The following GLRX3 variants were observed in gnomAD, a reference collection of about 807,000 sequenced individuals.
The protein encoded by GLRX3 is glutaredoxin-3.
Under a neutral mutation model 49.5 loss-of-function variants are expected in GLRX3, and 22 were observed. That is an observed-to-expected ratio of 0.44 (90% CI 0.32 to 0.63). The LOEUF (loss-of-function observed/expected upper bound fraction) is 0.63. GLRX3 is among the 30% of genes least tolerant of loss of function. The pLI is 0.05. For synonymous variants in GLRX3, 133 were observed against 140.0 expected, an observed-to-expected ratio of 0.95 and a Z score of 0.35; for missense variants, 385 against 396.3, an observed-to-expected ratio of 0.97 and a Z score of 0.24.
In GLRX3 at chr10:130,171,535, G is replaced by T. The variant is rs560391673; in HGVS notation, c.772-49G>T. On this transcript the variant is annotated intron_variant, in intron 7 of 10. Coordinates refer to ENST00000331244, the MANE Select transcript of GLRX3 (RefSeq NM_006541.5). The stretch of plus-strand genomic sequence containing the variant: ...CAAGAGTATTAGGTACAACCATGCT[G>T]CTTGGGTCATACAAAAATTGTAATC... The T allele has an allele frequency of 4.7e-5, 46 of 973,992 alleles. No individual in the cohort carries two copies. In the South Asian group the frequency reaches 5.7e-4, roughly 12 times the overall value. The allele number at this position is 973,992 out of a possible 1,614,324, so 60.3% of individuals were successfully genotyped here.
intron 10 of GLRX3, among the ~76,000 whole-genome samples, chr10:130,178,735 C>T (rs970137105): frequency 9.2e-5 from 14 of 152,170 alleles, no homozygotes; most frequent in Non-Finnish European, 1.8e-4. Flanking sequence ...GATGGAGTCT[C>T]GCTCTAGCCC....
At chr10:130,141,274 A>G (rs1590055738) in intron 1 of GLRX3, among the ~76,000 whole-genome samples, 2 of 152,268 alleles carry the variant, frequency 1.3e-5, no homozygotes, top group Admixed American at 6.5e-5. Context: ...CAGACTGGGC[A>G]TTAGAGTAAG....
chr10:130,136,867 C>T (rs983653191), intron 1 of GLRX3, among the ~76,000 whole-genome samples: 3 of 152,040 alleles, frequency 2.0e-5, no homozygotes, highest in African/African-American at 4.8e-5. Flanking sequence ...TCAGCCGTGC[C>T]GCAGTGGCGG....
At chr10:130,137,803 C>T (rs1298827110) in intron 1 of GLRX3, among the ~76,000 whole-genome samples, 2 of 152,142 alleles carry the variant, frequency 1.3e-5, no homozygotes, top group Admixed American at 6.5e-5. Flanking sequence ...GGAGCGATCA[C>T]GGCTCCCTGC....
rs763783848 is a variant in GLRX3, at chr10:130,166,627, A to G, written c.599A>G (p.Tyr200Cys). ...AAAGCCTATTCCAGTTGGCCTACCT[A>G]TCCTCAGCTCTATGTTTCTGGAGAG... ...GLKAYSSWPTYPQLYVSGELI... is the reference protein window; with the variant it reads ...GLKAYSSWPTCPQLYVSGELI... Residue 200 changes from tyrosine (Y) to cysteine (C), a missense_variant, in exon 5 of 11, where the codon TAT (tyrosine) becomes TGT (cysteine). Around this residue, in one of 2 missense-constraint regions of GLRX3, gnomAD observed 374 missense variants for 358.6 expected, o/e 1.04. Coordinates refer to ENST00000331244, the MANE Select transcript of GLRX3 (RefSeq NM_006541.5). 1.2e-6 allele frequency: 2 copies of G among 1,611,684 alleles called. No homozygotes were observed. The highest frequency in any genetic ancestry group is 1.1e-5 in the South Asian group (1 of 91,042).
chr10:130,177,305 A>G (rs959892511), intron 10 of GLRX3, among the ~76,000 whole-genome samples: 4 of 152,182 alleles, frequency 2.6e-5, no homozygotes, highest in Admixed American at 6.5e-5. Flanking sequence ...TAAACGGTTC[A>G]CTACTGCTGT....
chr10:130,160,112 GC>G (rs1361445092), intron 3 of GLRX3, 43 bp downstream of exon 3: 1 of 1,147,108 alleles, frequency 8.7e-7, no homozygotes, highest in Non-Finnish European at 1.3e-6. Flanking sequence ...TTTGTAGGGT[GC>G]CATGGGGCTA....
At chr10:130,177,018 G>A (rs1026907989) in intron 10 of GLRX3, among the ~76,000 whole-genome samples, 10 of 152,112 alleles carry the variant, frequency 6.6e-5, no homozygotes, top group Admixed American at 5.9e-4. Flanking sequence ...ATGTTCACCT[G>A]CTAAGAACAT....
chr10:130,163,230 GC>G (rs1862610610), intron 4 of GLRX3, among the ~76,000 whole-genome samples: 1 of 152,044 alleles, frequency 6.6e-6, no homozygotes, highest in Non-Finnish European at 1.5e-5. Context: ...TTCGAGACCA[GC>G]CTGGCCAACA....
chr10:130,164,633 A>G (rs1042930086), intron 4 of GLRX3, among the ~76,000 whole-genome samples: 36 of 152,146 alleles, frequency 2.4e-4, no homozygotes, highest in African/African-American at 8.4e-4. Flanking sequence ...GCATGCATGC[A>G]TTTTTCTTAA....
chr10:130,144,389 T>C (rs1334789635), intron 1 of GLRX3, among the ~76,000 whole-genome samples: 3 of 150,676 alleles, frequency 2.0e-5, no homozygotes, highest in Non-Finnish European at 4.4e-5. Context: ...TTGCTGCACC[T>C]ATCAACCCAT....
In GLRX3 at chr10:130,179,404, C is replaced by G. The variant is rs570483397; in HGVS notation, c.*12C>G. The G allele has an allele frequency of 7.1e-7, 1 of 1,400,158 alleles. No individual in the cohort carries two copies. The highest frequency in any genetic ancestry group is 1.4e-5 in the African/African-American group (1 of 69,896). 86.7% of individuals were successfully genotyped at this position (1,400,158 alleles called of 1,614,324 possible). A position where few individuals can be genotyped will look rare whatever the true frequency, so the allele number is the denominator to read the frequency against. On this transcript the variant is annotated 3_prime_UTR_variant, in exon 11 of 11. Coordinates refer to ENST00000331244, the MANE Select transcript of GLRX3 (RefSeq NM_006541.5). Reference sequence around the variant, plus strand: ...GAGGAGAAAATTAATAAATCTTAAACTTGGTGCCCAACTATTGTAAGAAAT... The same window carrying G: ...GAGGAGAAAATTAATAAATCTTAAAGTTGGTGCCCAACTATTGTAAGAAAT...
chr10:130,136,656 C>T lies in GLRX3; in HGVS notation c.92+144C>T. ...CTCGGGGGACCGGGCCCGGCGCCAC[C>T]CGTAGACTCCCCCGAGCCTCCGCGT... is the stretch of plus-strand genomic sequence containing the variant. On this transcript the variant is annotated intron_variant, in intron 1 of 10. Transcript: ENST00000331244. 3 of 1,028,730 alleles carry T rather than the reference C, an allele frequency of 2.9e-6. No individual in the cohort carries two copies. In the South Asian group the frequency reaches 1.5e-4, roughly 52 times the overall value. 63.7% of individuals were successfully genotyped at this position (1,028,730 alleles called of 1,614,324 possible).
In GLRX3 at chr10:130,139,361, C is replaced by T. The variant is rs1454412429; in HGVS notation, c.92+2849C>T. Among the ~76,000 whole-genome samples the T allele has an allele frequency of 1.2e-4, 18 of 149,484 alleles. No individual in the cohort carries two copies. The East Asian group carries it at 3.2e-3, about 26-fold the overall frequency. On this transcript the variant is annotated intron_variant, in intron 1 of 10. Transcript: ENST00000331244. ...ATGGAGACATTTAAGAATATTAGGC[C>T]GGGCGCGGTGGCTCACGCCTGTAAT...
chr10:130,147,798 T>A (rs983186276), intron 2 of GLRX3, among the ~76,000 whole-genome samples: 5 of 152,130 alleles, frequency 3.3e-5, no homozygotes, highest in Non-Finnish European at 7.3e-5. Context: ...TCCCAACACC[T>A]CTTGAGGCTG....
chr10:130,162,237 C>T (rs1862588902), intron 4 of GLRX3, among the ~76,000 whole-genome samples: 1 of 152,180 alleles, frequency 6.6e-6, no homozygotes, highest in East Asian at 1.9e-4. Flanking sequence ...GCCTTGGCCT[C>T]CCAAAGTGCT....
At chr10:130,149,215 G>T (rs368916272) in intron 2 of GLRX3, among the ~76,000 whole-genome samples, 1 of 152,130 alleles carries the variant, frequency 6.6e-6, no homozygotes, top group Non-Finnish European at 1.5e-5. Flanking sequence ...AGATGATGTG[G>T]TATTTCTATC....
chr10:130,153,674 C>T (rs4001968), intron 2 of GLRX3, among the ~76,000 whole-genome samples: 40,633 of 152,054 alleles, frequency 0.27, 5,450 homozygotes, highest in South Asian at 0.35. Flanking sequence ...CTGGAAGCTT[C>T]GTTCCAGCGG....
At chr10:130,178,959 C>T (rs950030996) in intron 10 of GLRX3, among the ~76,000 whole-genome samples, 22 of 152,156 alleles carry the variant, frequency 1.4e-4, no homozygotes, top group African/African-American at 5.3e-4. Context: ...CCTCCTCGGC[C>T]TCCCAACGTG....
Sources: allele counts gnomAD v4.1 joint callset (sites outside exome capture counted in the v4.1 genomes callset), GRCh38; gene constraint gnomAD v4.1.1; regional missense constraint gnomAD v4.1.1; transcripts MANE v1.5; gene names NCBI Gene and HGNC (gene_info 2026-07-23, HGNC 2026-07-21).